The following CHST12 variants were observed in gnomAD, a reference collection of about 807,000 sequenced individuals.
CHST12 encodes the protein carbohydrate sulfotransferase 12.
Under a neutral mutation model 27.9 loss-of-function variants are expected in CHST12, and 23 were observed. The ratio of observed to expected loss-of-function variants is 0.82; its 90% confidence interval spans 0.59 to 1.17. The LOEUF (loss-of-function observed/expected upper bound fraction) is 1.17. CHST12 is among the 50% of genes most tolerant of loss of function. The probability of loss-of-function intolerance (pLI) is 0.00; values close to 1 mark genes in which losing one functional copy is unlikely to be tolerated. For synonymous variants in CHST12, 322 were observed against 273.0 expected (o/e 1.18, Z -1.77); for missense variants, 682 against 603.0 (o/e 1.13, Z -1.37).
intron 1 of CHST12, among the ~76,000 whole-genome samples, chr7:2,422,306 G>T (rs1309531467): frequency 2.0e-5 from 3 of 151,556 alleles, no homozygotes; most frequent in Admixed American, 6.6e-5. Context: ...GTGCAGTGGC[G>T]CCATCTCGGC....
At chr7:2,414,504 T>TG (rs1395853335) in intron 1 of CHST12, among the ~76,000 whole-genome samples, 1 of 152,092 alleles carries the variant, frequency 6.6e-6, no homozygotes, top group African/African-American at 2.4e-5. Context: ...AGGCTGGTCT[T>TG]GAACTCCTTA....
At chr7:2,428,195 C>T (rs1235415310) in intron 1 of CHST12, among the ~76,000 whole-genome samples, 1 of 137,782 alleles carries the variant, frequency 7.3e-6, no homozygotes, top group African/African-American at 2.9e-5. Flanking sequence ...CTTTCTCTCT[C>T]TCTTTTTTTT....
Position 2,444,116 on chromosome 7 carries a change from C to G in CHST12, c.*10232C>G, listed in dbSNP as rs2115468184. The G allele has an allele frequency of 6.6e-6, 1 of 151,288 alleles. No homozygotes were observed. The highest frequency in any genetic ancestry group is 6.6e-5 in the Admixed American group (1 of 15,172). The allele number at this position is 151,288 out of a possible 1,614,324, so 9.4% of individuals were successfully genotyped here. A position where few individuals can be genotyped will look rare whatever the true frequency, so the allele number is the denominator to read the frequency against. On this transcript the variant is annotated 3_prime_UTR_variant, in exon 2 of 2. Coordinates refer to ENST00000618655, the MANE Select transcript of CHST12 (RefSeq NM_018641.5). The stretch of plus-strand genomic sequence containing the variant: ...CGGCTAAAACGGTGAAACCCCGTCT[C>G]TACTAAAAATACAAAAAATTAGCCG...
In CHST12 at chr7:2,434,112, A is replaced by C. The variant is rs2969076; in HGVS notation, c.*228A>C. The C allele has an allele frequency of 2.7e-4, 95 of 346,622 alleles. No individual in the cohort carries two copies. The highest frequency in any genetic ancestry group is 1.0e-3 in the African/African-American group (40 of 38,342). 21.5% of individuals were successfully genotyped at this position (346,622 alleles called of 1,614,324 possible). On this transcript the variant is annotated 3_prime_UTR_variant, in exon 2 of 2. Transcript: ENST00000618655. ...TATCCCCTCTCCCCTCCGCCCGCCC[A>C]CCCGCCCGCCCGCTCGCCCGCTCGC...
At chr7:2,423,454 A>G (rs980988922) in intron 1 of CHST12, among the ~76,000 whole-genome samples, 5 of 152,030 alleles carry the variant, frequency 3.3e-5, no homozygotes, top group Non-Finnish European at 7.4e-5. Flanking sequence ...GGCCGTGGAG[A>G]GACAGCAGCA....
rs1468789893 is a variant in CHST12, at chr7:2,433,630, C to A, written c.991C>A (p.Pro331Thr). ...GCGGCAGGTGTACCGCCTCTGCCAC[C>A]CGTGCCAGATCGACTACGACTTCGT... ...HWRQVYRLCH[P>T]CQIDYDFVGK... is the part of the protein sequence containing the mutation. The change falls in exon 2 of 2, where the codon CCG becomes ACG. Residue 331 changes from proline to threonine, a missense_variant. Transcript: ENST00000618655. The surrounding 1 kb of genome is among the most constrained non-coding windows in gnomAD (Gnocchi z 6.1). The A allele has an allele frequency of 2.5e-6, 4 of 1,613,782 alleles. No homozygotes were observed. Among genetic ancestry groups the A allele is most frequent in the East Asian group, 2.2e-5 (1 of 44,878 alleles).
At chr7:2,416,962 C>A (rs1781826069) in intron 1 of CHST12, among the ~76,000 whole-genome samples, 1 of 152,174 alleles carries the variant, frequency 6.6e-6, no homozygotes, top group Non-Finnish European at 1.5e-5. Context: ...AAGAAGGCAG[C>A]TTTTCTTTTG....
At chr7:2,423,426 T>C (rs771196539) in intron 1 of CHST12, among the ~76,000 whole-genome samples, 2 of 151,976 alleles carry the variant, frequency 1.3e-5, no homozygotes, top group Non-Finnish European at 2.9e-5. Context: ...GTGGGGGCCA[T>C]GGAGAGACAG....
intron 1 of CHST12, among the ~76,000 whole-genome samples, chr7:2,408,198 T>C (rs1379126984): frequency 6.6e-6 from 1 of 151,616 alleles, no homozygotes; most frequent in East Asian, 2.0e-4. Context: ...AGTGAAACCC[T>C]GGCTAATACA....
rs982418585 is a variant in CHST12, at chr7:2,439,270, C to T, written c.*5386C>T. ...GGGCACTGTTCACGTGGACATGAGC[C>T]GTTTCTTAGCATCATGAGATTTTAG... On this transcript the variant is annotated 3_prime_UTR_variant, in exon 2 of 2. Coordinates refer to ENST00000618655, the MANE Select transcript of CHST12 (RefSeq NM_018641.5). 9 of 152,116 alleles carry T rather than the reference C, an allele frequency of 5.9e-5. No homozygotes were observed. Among genetic ancestry groups the T allele is most frequent in the African/African-American group, 2.2e-4 (9 of 41,404 alleles). The allele number at this position is 152,116 out of a possible 1,614,324, so 9.4% of individuals were successfully genotyped here.
In CHST12 at chr7:2,434,108, G is replaced by A; in HGVS notation, c.*224G>A. 2.7e-6 allele frequency: 1 copy of A among 369,030 alleles called. No homozygotes were observed. The highest frequency in any genetic ancestry group is 4.8e-6 in the Non-Finnish European group (1 of 208,366). The allele number at this position is 369,030 out of a possible 1,614,324, so 22.9% of individuals were successfully genotyped here. A position where few individuals can be genotyped will look rare whatever the true frequency, so the allele number is the denominator to read the frequency against. On this transcript the variant is annotated 3_prime_UTR_variant, in exon 2 of 2. Transcript: ENST00000618655. ...AAAATATCCCCTCTCCCCTCCGCCC[G>A]CCCACCCGCCCGCCCGCTCGCCCGC...
intron 1 of CHST12, among the ~76,000 whole-genome samples, chr7:2,426,505 G>A (rs1583220871): frequency 6.6e-6 from 1 of 152,118 alleles, no homozygotes; most frequent in African/African-American, 2.4e-5. Flanking sequence ...AGACTTCGCT[G>A]AGCTGGGGAT....
In CHST12 at chr7:2,433,424, A is replaced by C. The variant is rs201924381; in HGVS notation, c.785A>C (p.Glu262Ala). ...GCCTTCCGCAGCAAGTTCGAGCTGG[A>C]GAACGAGGAGTTCTACCGCAAGTTC... ...ISAFRSKFEL[E>A]NEEFYRKFAV... Residue 262 changes from glutamate to alanine, a missense_variant, in exon 2 of 2, where the codon GAG becomes GCG. Coordinates refer to ENST00000618655, the MANE Select transcript of CHST12 (RefSeq NM_018641.5). This position sits in a 1 kb window ranked among gnomAD's most constrained non-coding sequence, Gnocchi z 6.1. The C allele has an allele frequency of 1.4e-4, 232 of 1,609,514 alleles. No individual in the cohort carries two copies. Among genetic ancestry groups the C allele is most frequent in the Non-Finnish European group, 1.6e-4 (184 of 1,179,930 alleles).
Position 2,439,993 on chromosome 7 carries a change from T to C in CHST12, c.*6109T>C, listed in dbSNP as rs1481722005. 2 of 152,220 alleles carry C rather than the reference T, an allele frequency of 1.3e-5. No individual in the cohort carries two copies. The highest frequency in any genetic ancestry group is 2.9e-5 in the Non-Finnish European group (2 of 68,052). The allele number at this position is 152,220 out of a possible 1,614,324, so 9.4% of individuals were successfully genotyped here. On this transcript the variant is annotated 3_prime_UTR_variant, in exon 2 of 2. Transcript: ENST00000618655. ...CCTCAGCCTCCCAAAGTGCTGGGAT[T>C]ACAGGCGTGGGCTGCTGTGCCCAGC...
At chr7:2,414,038 A>C (rs1423934387) in intron 1 of CHST12, among the ~76,000 whole-genome samples, 1 of 151,542 alleles carries the variant, frequency 6.6e-6, no homozygotes, top group African/African-American at 2.4e-5. Flanking sequence ...CAGTTATCTC[A>C]TTTTAATTTG....
intron 1 of CHST12, among the ~76,000 whole-genome samples, chr7:2,411,864 T>C (rs1184769972): frequency 6.6e-6 from 1 of 152,214 alleles, no homozygotes; most frequent in Non-Finnish European, 1.5e-5. Context: ...GCAACAAATA[T>C]TTGAGCCTTA....
At position 2,440,822 on chromosome 7, in the gene CHST12, C is replaced by T. The variant is rs1012818134; in HGVS notation, c.*6938C>T. On this transcript the variant is annotated 3_prime_UTR_variant, in exon 2 of 2. Coordinates refer to ENST00000618655, the MANE Select transcript of CHST12 (RefSeq NM_018641.5). Reference sequence around the variant, plus strand: ...TGTCATTCTGGATTTATCTTGGGGTCGGGAGTCAACGATACTTCTTGTGCT... The same window carrying T: ...TGTCATTCTGGATTTATCTTGGGGTTGGGAGTCAACGATACTTCTTGTGCT... The T allele has an allele frequency of 5.3e-5, 8 of 152,126 alleles. No homozygotes were observed. Among genetic ancestry groups the T allele is most frequent in the South Asian group, 2.1e-4 (1 of 4,826 alleles). The allele number at this position is 152,126 out of a possible 1,614,324, so 9.4% of individuals were successfully genotyped here. A position where few individuals can be genotyped will look rare whatever the true frequency, so the allele number is the denominator to read the frequency against.
At chr7:2,424,782 T>G (rs1283791609) in intron 1 of CHST12, among the ~76,000 whole-genome samples, 1 of 152,172 alleles carries the variant, frequency 6.6e-6, no homozygotes, top group Non-Finnish European at 1.5e-5. Flanking sequence ...GAAATCCTCC[T>G]CGTCCTGAAC....
intron 1 of CHST12, 107 bp from the exon 2 acceptor site, chr7:2,432,456 G>A (rs1201797456): frequency 8.9e-6 from 6 of 671,740 alleles, no homozygotes; most frequent in Non-Finnish European, 1.5e-5. Context: ...ATATCACGTG[G>A]CCCAGCGCTC....
Sources: gnomAD v4.1 joint callset for allele counts (sites outside exome capture counted in the v4.1 genomes callset) on GRCh38, gnomAD v4.1.1 for gene constraint, Gnocchi (gnomAD v3.1) non-coding constraint, MANE v1.5 for transcripts, NCBI Gene and HGNC (gene_info 2026-07-23, HGNC 2026-07-21) for gene names.